HUNK: variants seen among roughly 807,000 people sequenced by gnomAD.
The protein encoded by HUNK is hormonally up-regulated Neu-associated kinase.
HUNK carries 21 observed loss-of-function variants against 61.0 expected under a neutral mutation model. That is an observed-to-expected ratio of 0.34 (90% CI 0.24 to 0.50). HUNK has a LOEUF of 0.50. Ranked by LOEUF, HUNK falls within the 20% of genes least tolerant of loss-of-function variation. The pLI is 0.98. For synonymous variants in HUNK, 371 were observed against 386.1 expected, an observed-to-expected ratio of 0.96 and a Z score of 0.46; for missense variants, 772 against 945.7, an observed-to-expected ratio of 0.82 and a Z score of 2.41.
At chr21:31,892,796 A>G (rs1449806480) in intron 1 of HUNK, among the ~76,000 whole-genome samples, 1 of 152,094 alleles carries the variant, frequency 6.6e-6, no homozygotes, top group Non-Finnish European at 1.5e-5. Context: ...TCTTCCGTCA[A>G]CACCTCCCTG....
At chr21:31,967,059 C>A (rs1318266720) in intron 5 of HUNK, among the ~76,000 whole-genome samples, 1 of 152,040 alleles carries the variant, frequency 6.6e-6, no homozygotes, top group Non-Finnish European at 1.5e-5. Context: ...CTTAGAAGGG[C>A]CTTCATGGGT....
chr21:31,921,021 G>C (rs1412696260), intron 1 of HUNK, among the ~76,000 whole-genome samples: 1 of 151,854 alleles, frequency 6.6e-6, no homozygotes, highest in African/African-American at 2.4e-5. Flanking sequence ...ATGTGGTGGC[G>C]GGTGCCTGTA....
intron 2 of HUNK, among the ~76,000 whole-genome samples, chr21:31,928,035 G>T (rs537032765): frequency 6.6e-6 from 1 of 152,318 alleles, no homozygotes; most frequent in East Asian, 1.9e-4. Context: ...ATACCCTTGG[G>T]TAGCCTGAGG....
chr21:31,874,178 G>T (rs1214938056), intron 1 of HUNK, among the ~76,000 whole-genome samples: 2 of 151,562 alleles, frequency 1.3e-5, no homozygotes, highest in Non-Finnish European at 2.9e-5. Context: ...GCCCCGGGAA[G>T]CGTCCCGCGC....
chr21:31,961,309 C>T (rs77119834), intron 5 of HUNK, among the ~76,000 whole-genome samples: 11,340 of 152,130 alleles, frequency 0.075, 504 homozygotes, highest in South Asian at 0.13. Flanking sequence ...ACTGAAGGAC[C>T]GTTGAGTTGT....
chr21:31,923,803 G>T (rs546028136), intron 1 of HUNK, among the ~76,000 whole-genome samples: 23 of 152,300 alleles, frequency 1.5e-4, no homozygotes, highest in African/African-American at 5.5e-4. Flanking sequence ...GCTTCCTGAG[G>T]GTAGTAGAAA....
At chr21:31,934,996 T>C (rs1242835237) in intron 2 of HUNK, among the ~76,000 whole-genome samples, 1 of 152,164 alleles carries the variant, frequency 6.6e-6, no homozygotes, top group East Asian at 1.9e-4. Flanking sequence ...TTTTCACCCT[T>C]TTTTATTCCA....
chr21:31,897,166 A>C (rs1291514096), intron 1 of HUNK, among the ~76,000 whole-genome samples: 1 of 152,114 alleles, frequency 6.6e-6, no homozygotes, highest in Admixed American at 6.6e-5. Flanking sequence ...GGATCGCTTG[A>C]GCCTAGGAGG....
chr21:31,999,826 G>T lies in HUNK; in HGVS notation c.*642G>T, dbSNP rs965931006. On this transcript the variant is annotated 3_prime_UTR_variant, in exon 11 of 11. Transcript: ENST00000270112. ...CCAAGCAAGATTTTGATAGATTTTT[G>T]TTGTTGTTGTTGTTGAAACATGCTA... 7 of 196,134 alleles carry T rather than the reference G, an allele frequency of 3.6e-5. No homozygotes were observed. Among genetic ancestry groups the T allele is most frequent in the Non-Finnish European group, 6.1e-5 (6 of 97,728 alleles). The allele number at this position is 196,134 out of a possible 1,614,324, so 12.1% of individuals were successfully genotyped here.
At chr21:31,900,689 G>A (rs1311218808) in intron 1 of HUNK, among the ~76,000 whole-genome samples, 1 of 152,170 alleles carries the variant, frequency 6.6e-6, no homozygotes, top group African/African-American at 2.4e-5. Context: ...CAGTACTCTG[G>A]AAGTAAGCCT....
chr21:31,983,492 G>A lies in HUNK; in HGVS notation c.1174-34G>A, dbSNP rs1169421253. The A allele has an allele frequency of 2.0e-6, 3 of 1,523,172 alleles. No individual in the cohort carries two copies. The East Asian group carries it at 6.8e-5, about 34-fold the overall frequency. 94.4% of individuals were successfully genotyped at this position (1,523,172 alleles called of 1,614,324 possible). On this transcript the variant is annotated intron_variant, in intron 7 of 10. Coordinates refer to ENST00000270112, the MANE Select transcript of HUNK (RefSeq NM_014586.2). Reference sequence around the variant, plus strand: ...TTAATGGGCATTTCTATTTCTGAGAGTTGAGCTGTGCTTTTTCTTTTCTCC... The same window carrying A: ...TTAATGGGCATTTCTATTTCTGAGAATTGAGCTGTGCTTTTTCTTTTCTCC...
In HUNK at chr21:31,996,386, TTCC is replaced by T. The variant is rs879572923; in HGVS notation, c.1486+440_1486+442del. ...GCTCTACTGCCTGCAGAGGTCCAAG[TTCC>T]TTTAGTGCTGAGGATCTTCACTGGA... On this transcript the variant is annotated intron_variant, in intron 10 of 10. Coordinates refer to ENST00000270112, the MANE Select transcript of HUNK (RefSeq NM_014586.2). Among the ~76,000 whole-genome samples, 1,352 of 152,246 alleles carry T rather than the reference TTCC, an allele frequency of 8.9e-3. 8 individuals carry two copies. The highest frequency in any genetic ancestry group is 0.024 in the Middle Eastern group (7 of 294).
Position 31,938,481 on chromosome 21 carries a change from G to A in HUNK, c.555-1684G>A, listed in dbSNP as rs896325825. 2.0e-5 allele frequency among the ~76,000 whole-genome samples: 3 copies of A among 151,986 alleles called. No individual in the cohort carries two copies. In the East Asian group the frequency reaches 5.8e-4, roughly 29 times the overall value. The stretch of plus-strand genomic sequence containing the variant: ...TGGCAGTGTTGGGACCGAGCCGTGA[G>A]TAGCTGTCCCCGTTAAGTGGGGCAC... On this transcript the variant is annotated intron_variant, in intron 2 of 10. Transcript: ENST00000270112.
intron 1 of HUNK, among the ~76,000 whole-genome samples, chr21:31,876,837 G>C (rs2052266198): frequency 6.6e-6 from 1 of 152,048 alleles, no homozygotes; most frequent in South Asian, 2.1e-4. Context: ...TATAAAGACA[G>C]GGGTCTCACT....
At chr21:31,915,474 A>G (rs529307740) in intron 1 of HUNK, among the ~76,000 whole-genome samples, 3 of 152,292 alleles carry the variant, frequency 2.0e-5, no homozygotes, top group African/African-American at 7.2e-5. Flanking sequence ...AAGGCTATGA[A>G]CTTTCTAAAA....
intron 4 of HUNK, among the ~76,000 whole-genome samples, chr21:31,954,685 C>A (rs78419073): frequency 6.6e-6 from 1 of 152,296 alleles, no homozygotes; most frequent in East Asian, 1.9e-4. Flanking sequence ...TTTTTGAGTA[C>A]GCATCAGAAG....
At chr21:31,926,329 A>G (rs112546399) in intron 2 of HUNK, among the ~76,000 whole-genome samples, 10,596 of 152,310 alleles carry the variant, frequency 0.07, 448 homozygotes, top group South Asian at 0.17. Context: ...GTATGTTTAA[A>G]TATTTTTAAA....
At chr21:31,949,036 T>C (rs60149239) in intron 4 of HUNK, among the ~76,000 whole-genome samples, 1 of 152,148 alleles carries the variant, frequency 6.6e-6, no homozygotes, top group Non-Finnish European at 1.5e-5. Flanking sequence ...GACAGTCCTG[T>C]GAGACACATC....
intron 9 of HUNK, among the ~76,000 whole-genome samples, chr21:31,991,064 G>T (rs1445654210): frequency 6.6e-6 from 1 of 152,200 alleles, no homozygotes; most frequent in South Asian, 2.1e-4. Context: ...AATCCCTTTA[G>T]ATCACATTGG....
Sources: allele counts gnomAD v4.1 joint callset (sites outside exome capture counted in the v4.1 genomes callset), GRCh38; gene constraint gnomAD v4.1.1; transcripts MANE v1.5; gene names NCBI Gene and HGNC (gene_info 2026-07-23, HGNC 2026-07-21).